CNTN4: variants seen among roughly 807,000 people sequenced by gnomAD.
The protein encoded by CNTN4 is contactin-4.
Under a neutral mutation model 122.5 loss-of-function variants are expected in CNTN4, and 77 were observed. The observed-to-expected ratio is 0.63, with a 90% confidence interval of 0.52 to 0.76. The LOEUF (loss-of-function observed/expected upper bound fraction) is 0.76. Ranked by LOEUF, CNTN4 falls within the 30% of genes least tolerant of loss-of-function variation. The probability of loss-of-function intolerance (pLI) is 0.00; values close to 1 mark genes in which losing one functional copy is unlikely to be tolerated. For synonymous variants in CNTN4, 512 were observed against 447.0 expected, an observed-to-expected ratio of 1.15 and a Z score of -1.83; for missense variants, 1,256 against 1,259.1, an observed-to-expected ratio of 1.00 and a Z score of 0.04.
At chr3:2,934,993 G>A (rs538216190) in intron 13 of CNTN4, among the ~76,000 whole-genome samples, 73 of 152,316 alleles carry the variant, frequency 4.8e-4, no homozygotes, top group South Asian at 1.0e-3. Flanking sequence ...AATAGTTACG[G>A]CGTTGAGCTC....
intron 6 of CNTN4, among the ~76,000 whole-genome samples, chr3:2,784,170 C>T (rs1030773138): frequency 1.3e-5 from 2 of 152,110 alleles, no homozygotes; most frequent in African/African-American, 4.8e-5. Context: ...ATGAGAAACT[C>T]AAACGTGTGT....
intron 2 of CNTN4, among the ~76,000 whole-genome samples, chr3:2,108,151 T>C (rs2032610405): frequency 6.7e-6 from 1 of 149,236 alleles, no homozygotes; most frequent in Admixed American, 6.9e-5. Context: ...CCTGGAACTT[T>C]TCATGTGCCT....
chr3:3,050,081 T>C (rs960506462), intron 23 of CNTN4, among the ~76,000 whole-genome samples: 1 of 152,172 alleles, frequency 6.6e-6, no homozygotes, highest in Non-Finnish European at 1.5e-5. Context: ...ATTCCATCTG[T>C]GAGGGTGAGC....
At chr3:2,552,062 C>A (rs1044988985) in intron 3 of CNTN4, among the ~76,000 whole-genome samples, 1 of 152,118 alleles carries the variant, frequency 6.6e-6, no homozygotes, top group African/African-American at 2.4e-5. Context: ...AAATAATTTT[C>A]TCAATATATA....
intron 24 of CNTN4, among the ~76,000 whole-genome samples, chr3:3,054,689 G>A (rs1367784987): frequency 6.6e-6 from 1 of 152,220 alleles, no homozygotes; most frequent in Non-Finnish European, 1.5e-5. Context: ...ATTGGCAGTG[G>A]CTGGTCAGTG....
intron 3 of CNTN4, among the ~76,000 whole-genome samples, chr3:2,537,166 G>A (rs1213979252): frequency 1.3e-5 from 2 of 152,058 alleles, no homozygotes; most frequent in East Asian, 3.9e-4. Flanking sequence ...AGGAAACCAT[G>A]TAGTGCATGT....
At chr3:2,266,547 G>A (rs1382768666) in intron 2 of CNTN4, among the ~76,000 whole-genome samples, 1 of 151,970 alleles carries the variant, frequency 6.6e-6, no homozygotes, top group East Asian at 1.9e-4. Context: ...CCTGCTGGGG[G>A]ATTTTTAAGT....
chr3:2,534,190 T>C (rs1169990928), intron 3 of CNTN4, among the ~76,000 whole-genome samples: 1 of 152,202 alleles, frequency 6.6e-6, no homozygotes, highest in Non-Finnish European at 1.5e-5. Context: ...CATGCCTATG[T>C]CCTGAATGGT....
At chr3:3,006,173 G>A (rs1362817560) in intron 14 of CNTN4, among the ~76,000 whole-genome samples, 1 of 152,216 alleles carries the variant, frequency 6.6e-6, no homozygotes, top group East Asian at 1.9e-4. Context: ...ACCGCGCCCA[G>A]CCCACGCTGT....
chr3:2,589,723 T>C (rs139518064), intron 4 of CNTN4, among the ~76,000 whole-genome samples: 48 of 152,340 alleles, frequency 3.2e-4, no homozygotes, highest in Non-Finnish European at 4.9e-4. Context: ...TGACTGCGGC[T>C]AGAGCACCCA....
intron 3 of CNTN4, among the ~76,000 whole-genome samples, chr3:2,408,957 G>A (rs1429895647): frequency 6.6e-6 from 1 of 151,966 alleles, no homozygotes; most frequent in Non-Finnish European, 1.5e-5. Context: ...ATTTATTTTT[G>A]CACTTGTAGG....
chr3:2,536,273 T>C (rs967278496), intron 3 of CNTN4, among the ~76,000 whole-genome samples: 5 of 152,216 alleles, frequency 3.3e-5, no homozygotes, highest in African/African-American at 1.2e-4. Context: ...ATGGAAAGTT[T>C]ACTCAAATGC....
chr3:2,217,596 T>G lies in CNTN4; in HGVS notation c.-145+116957T>G, dbSNP rs546358733. Among the ~76,000 whole-genome samples the G allele has an allele frequency of 2.0e-5, 3 of 152,326 alleles. No individual in the cohort carries two copies. The East Asian group carries it at 5.8e-4, about 29-fold the overall frequency. On this transcript the variant is annotated intron_variant, in intron 2 of 24. Coordinates refer to ENST00000418658, the MANE Select transcript of CNTN4 (RefSeq NM_175607.3). ...TCCATAGATGTGACTAATATTCACA[T>G]TCTGGTGGCCAAGCTGCAAATGACT... is the stretch of plus-strand genomic sequence containing the variant.
chr3:2,821,143 G>A (rs1045192405), intron 7 of CNTN4, among the ~76,000 whole-genome samples: 1 of 151,792 alleles, frequency 6.6e-6, no homozygotes, highest in Non-Finnish European at 1.5e-5. Context: ...TTTTAGTAGA[G>A]ATAGGATTTC....
intron 2 of CNTN4, among the ~76,000 whole-genome samples, chr3:2,133,754 T>C (rs2034557467): frequency 6.8e-6 from 1 of 147,614 alleles, no homozygotes; most frequent in Admixed American, 6.8e-5. Flanking sequence ...GAATTGTTGT[T>C]AGGAAATTAC....
chr3:2,228,607 A>C (rs2039373185), intron 2 of CNTN4, among the ~76,000 whole-genome samples: 1 of 152,136 alleles, frequency 6.6e-6, no homozygotes, highest in Admixed American at 6.5e-5. Flanking sequence ...AATGTATCAA[A>C]TGATGGTATT....
intron 3 of CNTN4, among the ~76,000 whole-genome samples, chr3:2,371,590 T>A (rs1241209076): frequency 6.6e-6 from 1 of 152,222 alleles, no homozygotes; most frequent in East Asian, 1.9e-4. Context: ...CAGTATAACA[T>A]TTGTTGAATG....
intron 3 of CNTN4, among the ~76,000 whole-genome samples, chr3:2,432,605 CGT>C (rs1032291858): frequency 6.8e-6 from 1 of 147,216 alleles, no homozygotes; most frequent in East Asian, 2.0e-4. Flanking sequence ...TGTGTGTGTG[CGT>C]GTGTGTATGT....
In CNTN4 at chr3:2,711,100, C is replaced by T. The variant is rs147469790; in HGVS notation, c.56-25115C>T. Among the ~76,000 whole-genome samples the T allele has an allele frequency of 5.4e-3, 823 of 152,332 alleles. 7 individuals are homozygous for T. Among genetic ancestry groups the T allele is most frequent in the African/African-American group, 0.019 (788 of 41,572 alleles). ...ATGAACTGTTTGAAGCACTGGCCTT[C>T]AGAATCATTGTCAGTTTTTGATGAC... On this transcript the variant is annotated intron_variant, in intron 4 of 24. Coordinates refer to ENST00000418658, the MANE Select transcript of CNTN4 (RefSeq NM_175607.3).
Sources: allele counts gnomAD v4.1 joint callset (sites outside exome capture counted in the v4.1 genomes callset), GRCh38; gene constraint gnomAD v4.1.1; transcripts MANE v1.5; gene names NCBI Gene and HGNC (gene_info 2026-07-23, HGNC 2026-07-21).